EPHA6: variants seen among roughly 807,000 people sequenced by gnomAD.
EPHA6 encodes EPH receptor A6, also known as ephrin type-A receptor 6.
In EPHA6, 50 loss-of-function variants were observed where a neutral mutation model predicts 112.0. The ratio of observed to expected loss-of-function variants is 0.45; its 90% CI spans 0.36 to 0.56. EPHA6 has a LOEUF of 0.56. Ranked by LOEUF, EPHA6 falls within the 20% of genes least tolerant of loss-of-function variation. The pLI is 0.00. For synonymous variants in EPHA6, 529 were observed against 490.7 expected, an observed-to-expected ratio of 1.08 and a Z score of -1.03; for missense variants, 1,280 against 1,417.4, an observed-to-expected ratio of 0.90 and a Z score of 1.56.
chr3:96,863,718 G>A (rs1043471547), intron 1 of EPHA6, among the ~76,000 whole-genome samples: 1 of 151,752 alleles, frequency 6.6e-6, no homozygotes, highest in Non-Finnish European at 1.5e-5. Context: ...GAACAAAGCA[G>A]GCTTAATATG....
intron 2 of EPHA6, among the ~76,000 whole-genome samples, chr3:96,892,652 A>G (rs1033860786): frequency 6.6e-6 from 1 of 150,502 alleles, no homozygotes; most frequent in Non-Finnish European, 1.5e-5. Flanking sequence ...CTCGGAATCT[A>G]CTTTTAATTT....
chr3:97,555,138 C>T lies in EPHA6; in HGVS notation c.2386+22595C>T, dbSNP rs192885398. ...ATGTTCCCCTTCCTGTGTCCATGTG[C>T]TCTCATTGTTCAATTCCCATCTATG... is the stretch of plus-strand genomic sequence containing the variant. On this transcript the variant is annotated intron_variant, in intron 11 of 17. Coordinates refer to ENST00000389672, the MANE Select transcript of EPHA6 (RefSeq NM_001080448.3). Among the ~76,000 whole-genome samples, 19 of 146,866 alleles carry T rather than the reference C, an allele frequency of 1.3e-4. No homozygotes were observed. In the South Asian group the frequency reaches 4.0e-3, roughly 31 times the overall value.
chr3:97,234,609 C>G (rs988045855), intron 4 of EPHA6, among the ~76,000 whole-genome samples: 3 of 152,050 alleles, frequency 2.0e-5, no homozygotes, highest in Non-Finnish European at 4.4e-5. Context: ...ACTTCCTGTT[C>G]CCTTTTAATC....
intron 16 of EPHA6, among the ~76,000 whole-genome samples, chr3:97,737,759 A>T (rs2035332491): frequency 1.3e-5 from 2 of 152,212 alleles, no homozygotes; most frequent in South Asian, 4.1e-4. Flanking sequence ...CATATAGATT[A>T]TAGCTGAAGC....
At chr3:97,108,637 T>C (rs931356523) in intron 3 of EPHA6, among the ~76,000 whole-genome samples, 1 of 152,162 alleles carries the variant, frequency 6.6e-6, no homozygotes, top group Non-Finnish European at 1.5e-5. Flanking sequence ...TGGCAGAAGC[T>C]ACTGCTTGAG....
intron 2 of EPHA6, among the ~76,000 whole-genome samples, chr3:96,963,668 T>C (rs1192118747): frequency 6.6e-6 from 1 of 152,146 alleles, no homozygotes; most frequent in African/African-American, 2.4e-5. Flanking sequence ...TGGAGCTCTG[T>C]TGTCTCCTGC....
rs1322001739 is a variant in EPHA6, at chr3:97,366,356, T to A, written c.1607-38794T>A. On this transcript the variant is annotated intron_variant, in intron 5 of 17. Transcript: ENST00000389672. The stretch of plus-strand genomic sequence containing the variant: ...CATCTACTGTATATCAGGCAGCATT[T>A]GTGGTACTGACCACAATGCCCTAAG... 2.4e-3 allele frequency among the ~76,000 whole-genome samples: 362 copies of A among 152,322 alleles called. 2 individuals carry two copies. The highest frequency in any genetic ancestry group is 7.7e-3 in the African/African-American group (321 of 41,588).
chr3:97,034,371 T>C (rs2045001223), intron 3 of EPHA6, among the ~76,000 whole-genome samples: 1 of 151,874 alleles, frequency 6.6e-6, no homozygotes, highest in South Asian at 2.1e-4. Flanking sequence ...TTACAATCTT[T>C]GCAATTATCA....
chr3:97,018,451 G>GGATA (rs1413680354), intron 3 of EPHA6, among the ~76,000 whole-genome samples: 1 of 152,152 alleles, frequency 6.6e-6, no homozygotes, highest in Non-Finnish European at 1.5e-5. Context: ...AGACAAAGGG[G>GGATA]CAGGATAAGG....
chr3:97,036,401 C>T (rs1158564313), intron 3 of EPHA6, among the ~76,000 whole-genome samples: 1 of 151,872 alleles, frequency 6.6e-6, no homozygotes, highest in Non-Finnish European at 1.5e-5. Context: ...ATTAGTATCC[C>T]CATTATTAAT....
At chr3:96,830,951 A>G (rs1299989156) in intron 1 of EPHA6, among the ~76,000 whole-genome samples, 2 of 152,124 alleles carry the variant, frequency 1.3e-5, no homozygotes, top group African/African-American at 4.8e-5. Context: ...TTAATTAGCT[A>G]CATTTAACCA....
At chr3:97,504,905 A>G (rs2107568390) in intron 10 of EPHA6, among the ~76,000 whole-genome samples, 1 of 152,244 alleles carries the variant, frequency 6.6e-6, no homozygotes, top group African/African-American at 2.4e-5. Flanking sequence ...ATCTGAACAA[A>G]TCTGTTTGTA....
At position 97,226,418 on chromosome 3, in the gene EPHA6, C is replaced by A. The variant is rs2078358401; in HGVS notation, c.1269C>A (p.Thr423=). ...AAGACCCACCTTCTATGGCATGTACCAGTAAGTCTATACATTTTGGATTTG... is the reference window on the plus strand; with the variant it reads ...AAGACCCACCTTCTATGGCATGTACAAGTAAGTCTATACATTTTGGATTTG... The part of the protein sequence containing the change: ...AEKDPPSMAC[T]RPPSAPRNVV... The change falls in exon 4 of 18, where the codon ACC becomes ACA. Residue 423 remains threonine (T), a splice_region_variant and synonymous_variant. Transcript: ENST00000389672. 1 of 1,609,110 alleles carries A rather than the reference C, an allele frequency of 6.2e-7. No individual in the cohort carries two copies. Among genetic ancestry groups the A allele is most frequent in the Non-Finnish European group, 8.5e-7 (1 of 1,178,250 alleles).
chr3:97,617,663 C>CA (rs1343580836), intron 13 of EPHA6, among the ~76,000 whole-genome samples: 1 of 151,998 alleles, frequency 6.6e-6, no homozygotes, highest in African/African-American at 2.4e-5. Flanking sequence ...TTTAAACCAA[C>CA]AAAGATCAAA....
intron 6 of EPHA6, among the ~76,000 whole-genome samples, chr3:97,405,640 A>C (rs1037724491): frequency 6.6e-6 from 1 of 152,120 alleles, no homozygotes; most frequent in African/African-American, 2.4e-5. Flanking sequence ...GAATTACTAT[A>C]ACCTGAAGTG....
In EPHA6 at chr3:97,761,327, T is replaced by C. The variant is rs2107948032; in HGVS notation, c.*12626T>C. 1 of 191,564 alleles carries C rather than the reference T, an allele frequency of 5.2e-6. No individual in the cohort carries two copies. The highest frequency in any genetic ancestry group is 8.3e-5 in the East Asian group (1 of 12,098). 11.9% of individuals were successfully genotyped at this position (191,564 alleles called of 1,614,324 possible). On this transcript the variant is annotated 3_prime_UTR_variant, in exon 18 of 18. Transcript: ENST00000389672. ...TTTGTGGTGAATTGCATAACATATG[T>C]CATCTATTTGCTGAAAGAATATGCT...
chr3:97,757,693 T>C lies in EPHA6; in HGVS notation c.*8992T>C, dbSNP rs2036059125. ...TAAGCAGTTATATTAATTTTACACA[T>C]ACTCTTAAATGCTTAAAAACATAGT... On this transcript the variant is annotated 3_prime_UTR_variant, in exon 18 of 18. Coordinates refer to ENST00000389672, the MANE Select transcript of EPHA6 (RefSeq NM_001080448.3). Among the ~76,000 whole-genome samples the C allele has an allele frequency of 6.6e-6, 1 of 151,738 alleles. No homozygotes were observed. Among genetic ancestry groups the C allele is most frequent in the Non-Finnish European group, 1.5e-5 (1 of 67,774 alleles).
chr3:97,652,478 G>A (rs949937190), intron 14 of EPHA6, among the ~76,000 whole-genome samples: 3 of 152,142 alleles, frequency 2.0e-5, no homozygotes, highest in Admixed American at 1.3e-4. Flanking sequence ...GTCAGTTATA[G>A]TTATACCACT....
intron 3 of EPHA6, among the ~76,000 whole-genome samples, chr3:97,001,656 A>G (rs72918206): frequency 0.013 from 2,003 of 152,130 alleles, 49 homozygotes; most frequent in African/African-American, 0.044. Context: ...TCAATAAATA[A>G]ATCAATATTA....
Sources: gnomAD v4.1 joint callset for allele counts (sites outside exome capture counted in the v4.1 genomes callset) on GRCh38, gnomAD v4.1.1 for gene constraint, MANE v1.5 for transcripts, NCBI Gene and HGNC (gene_info 2026-07-23, HGNC 2026-07-21) for gene names.